Variants in ROBO1 observed in about 807,000 individuals in gnomAD.
ROBO1 encodes roundabout guidance receptor 1.
A neutral mutation model predicts 195.9 loss-of-function variants in ROBO1; 149 were observed. The ratio of observed to expected loss-of-function variants is 0.76; its 90% confidence interval spans 0.67 to 0.87. The LOEUF (loss-of-function observed/expected upper bound fraction) is 0.87, where lower values mean the gene tolerates loss of function less well. ROBO1 is among the 40% of genes least tolerant of loss of function. The pLI, the probability that ROBO1 is intolerant of heterozygous loss-of-function variation, is 0.00. For synonymous variants in ROBO1, 816 were observed against 733.2 expected, an observed-to-expected ratio of 1.11 and a Z score of -1.82; for missense variants, 1,933 against 2,068.3, an observed-to-expected ratio of 0.93 and a Z score of 1.27.
chr3:79,443,301 C>CA (rs1349686888), intron 2 of ROBO1, among the ~76,000 whole-genome samples: 2 of 152,094 alleles, frequency 1.3e-5, no homozygotes, highest in Admixed American at 6.6e-5. Context: ...AGAATTCACT[C>CA]AGAGCTCCAG....
intron 8 of ROBO1, among the ~76,000 whole-genome samples, chr3:78,709,843 C>T (rs1054144768): frequency 2.6e-5 from 4 of 152,116 alleles, no homozygotes; most frequent in Admixed American, 6.6e-5. Context: ...TTAGAGATAA[C>T]GGAATGGAAA....
At chr3:79,700,787 T>C (rs1947600448) in intron 1 of ROBO1, among the ~76,000 whole-genome samples, 1 of 151,912 alleles carries the variant, frequency 6.6e-6, no homozygotes. Flanking sequence ...GTCAGATGCA[T>C]ACTTTGTGAA....
At chr3:79,047,230 G>C (rs2078611441) in intron 3 of ROBO1, among the ~76,000 whole-genome samples, 1 of 152,232 alleles carries the variant, frequency 6.6e-6, no homozygotes, top group African/African-American at 2.4e-5. Flanking sequence ...TTGCAGTAAG[G>C]TGGAAAGTAG....
intron 1 of ROBO1, among the ~76,000 whole-genome samples, chr3:79,644,862 C>T (rs1039291685): frequency 6.6e-6 from 1 of 152,038 alleles, no homozygotes; most frequent in African/African-American, 2.4e-5. Flanking sequence ...CATCAAGTTT[C>T]ATTTCTGACT....
Position 78,942,876 on chromosome 3 carries a change from C to A in ROBO1, c.173-3949G>T, listed in dbSNP as rs139051048. ...TGATCACACCTGTGAATAGCCACTG[C>A]ACTTCAGCCTGGGCAACATAGTGAG... is the stretch of plus-strand genomic sequence containing the variant. On this transcript the variant is annotated intron_variant, in intron 3 of 30. Coordinates refer to ENST00000464233, the MANE Select transcript of ROBO1 (RefSeq NM_002941.4). 8.7e-4 allele frequency among the ~76,000 whole-genome samples: 133 copies of A among 152,154 alleles called. 1 individual carries two copies. In the East Asian group the frequency reaches 0.023, roughly 27 times the overall value.
At chr3:78,696,668 A>G (rs1047111170) in intron 8 of ROBO1, among the ~76,000 whole-genome samples, 5 of 146,594 alleles carry the variant, frequency 3.4e-5, no homozygotes, top group Middle Eastern at 3.6e-3. Context: ...ATATATACAC[A>G]TATATATACA....
At chr3:78,948,690 A>G (rs575150386) in intron 3 of ROBO1, among the ~76,000 whole-genome samples, 97 of 152,320 alleles carry the variant, frequency 6.4e-4, no homozygotes, top group African/African-American at 2.2e-3. Flanking sequence ...GAAGGAAAAA[A>G]GGGTATTCAA....
chr3:79,214,460 C>T (rs1422986841), intron 2 of ROBO1, among the ~76,000 whole-genome samples: 3 of 152,006 alleles, frequency 2.0e-5, no homozygotes, highest in Non-Finnish European at 2.9e-5. Context: ...TATTTAACCT[C>T]CTTGTAATTA....
intron 2 of ROBO1, among the ~76,000 whole-genome samples, chr3:79,216,148 T>G (rs1021900240): frequency 6.6e-6 from 1 of 152,112 alleles, no homozygotes; most frequent in Non-Finnish European, 1.5e-5. Context: ...TATATAAACT[T>G]TTAAAAATAT....
intron 4 of ROBO1, among the ~76,000 whole-genome samples, chr3:78,769,618 GTT>G (rs34157314): frequency 0.35 from 29,341 of 84,552 alleles, 2,965 homozygotes; most frequent in African/African-American, 0.36. Flanking sequence ...GTGTACTTTG[GTT>G]TTTTTTTTTT....
intron 2 of ROBO1, among the ~76,000 whole-genome samples, chr3:79,299,785 GTAGT>G (rs970388495): frequency 6.6e-6 from 1 of 151,180 alleles, no homozygotes; most frequent in Non-Finnish European, 1.5e-5. Context: ...ATAGTGAAGT[GTAGT>G]TAATTAACCA....
intron 5 of ROBO1, among the ~76,000 whole-genome samples, chr3:78,736,138 A>C (rs567959209): frequency 6.6e-6 from 1 of 152,308 alleles, no homozygotes; most frequent in Non-Finnish European, 1.5e-5. Context: ...TTTGTCGGAG[A>C]GTAAGATAAG....
At chr3:79,197,708 C>T (rs560397119) in intron 2 of ROBO1, among the ~76,000 whole-genome samples, 1 of 152,058 alleles carries the variant, frequency 6.6e-6, no homozygotes, top group South Asian at 2.1e-4. Context: ...CTGTTGTTTC[C>T]TGACTTTTTA....
chr3:79,524,612 A>G (rs1040966836), intron 2 of ROBO1, among the ~76,000 whole-genome samples: 2 of 152,102 alleles, frequency 1.3e-5, no homozygotes, highest in Admixed American at 1.3e-4. Flanking sequence ...TGTCTAAACA[A>G]CTCCAAACTT....
chr3:79,690,562 A>G (rs1386556650), intron 1 of ROBO1, among the ~76,000 whole-genome samples: 1 of 152,006 alleles, frequency 6.6e-6, no homozygotes, highest in East Asian at 1.9e-4. Flanking sequence ...TAGATGTCCA[A>G]CCTACAGAAT....
At chr3:78,978,329 T>C (rs1161627304) in intron 3 of ROBO1, among the ~76,000 whole-genome samples, 1 of 152,178 alleles carries the variant, frequency 6.6e-6, no homozygotes, top group Non-Finnish European at 1.5e-5. Flanking sequence ...CCTGTCCTCC[T>C]TGGACCAAGT....
chr3:79,457,345 G>A (rs2039648769), intron 2 of ROBO1, among the ~76,000 whole-genome samples: 1 of 152,006 alleles, frequency 6.6e-6, no homozygotes, highest in African/African-American at 2.4e-5. Context: ...AATATTATCT[G>A]TATGAGGGGT....
At chr3:79,638,443 T>G (rs1360973375) in intron 1 of ROBO1, among the ~76,000 whole-genome samples, 1 of 152,128 alleles carries the variant, frequency 6.6e-6, no homozygotes, top group African/African-American at 2.4e-5. Flanking sequence ...CAGGCTGGAG[T>G]GCAGTGGCAC....
chr3:79,531,504 T>C (rs1412633164), intron 2 of ROBO1, among the ~76,000 whole-genome samples: 1 of 152,038 alleles, frequency 6.6e-6, no homozygotes, highest in African/African-American at 2.4e-5. Context: ...GCACCTGTAA[T>C]CCCAGCTACT....
Sources: allele counts gnomAD v4.1 joint callset (sites outside exome capture counted in the v4.1 genomes callset), GRCh38; gene constraint gnomAD v4.1.1; transcripts MANE v1.5; gene names NCBI Gene and HGNC (gene_info 2026-07-23, HGNC 2026-07-21).